MCTP2: variants seen among roughly 807,000 people sequenced by gnomAD.
MCTP2 encodes the protein multiple C2 and transmembrane domain containing 2, also known as multiple C2 and transmembrane domain-containing protein 2.
MCTP2 carries 132 observed loss-of-function variants against 111.6 expected under a neutral mutation model. The observed-to-expected ratio is 1.18, with a 90% CI of 1.03 to 1.37. The LOEUF (loss-of-function observed/expected upper bound fraction) is 1.37. Ranked by LOEUF, MCTP2 falls within the 40% of genes most tolerant of loss-of-function variation. The pLI is 0.00. For synonymous variants in MCTP2, 395 were observed against 387.7 expected (o/e 1.02, Z -0.22); for missense variants, 1,183 against 1,067.9 (o/e 1.11, Z -1.50).
chr15:94,480,370 A>G lies in MCTP2; in HGVS notation c.*1336A>G, dbSNP rs1449823135. On this transcript the variant is annotated 3_prime_UTR_variant, in exon 23 of 23. Coordinates refer to ENST00000357742, the MANE Select transcript of MCTP2 (RefSeq NM_001385001.1). ...TGTAATTTAATAATCTTCAAACAAAATGTTTACGAAAAATGCCAAAGATTC... is the reference window on the plus strand; with the variant it reads ...TGTAATTTAATAATCTTCAAACAAAGTGTTTACGAAAAATGCCAAAGATTC... 1 of 152,074 alleles carries G rather than the reference A, an allele frequency of 6.6e-6. No individual in the cohort carries two copies. The highest frequency in any genetic ancestry group is 1.5e-5 in the Non-Finnish European group (1 of 68,012). 9.4% of individuals were successfully genotyped at this position (152,074 alleles called of 1,614,324 possible).
chr15:94,464,242 A>T (rs1567763955), intron 20 of MCTP2, among the ~76,000 whole-genome samples: 1 of 50,588 alleles, frequency 2.0e-5, no homozygotes, highest in Non-Finnish European at 4.1e-5. Flanking sequence ...TATATATAAT[A>T]TATATATATA....
rs776199245 is a variant in MCTP2 at position 94,298,270 on chromosome 15, A to T, written c.5A>T (p.Asp2Val). M[D>V]LDKPSVWGSL... is the part of the protein sequence containing the mutation. ...TTCTTGGGTCTTCATGCAGCCATGG[A>T]TCTGGATAAACCATCTGTTTGGGGC... The change falls in exon 2 of 23, where the codon GAT becomes GTT. Residue 2 changes from aspartate to valine, a missense_variant. Transcript: ENST00000357742. 5 of 1,607,424 alleles carry T rather than the reference A, an allele frequency of 3.1e-6. No homozygotes were observed. The East Asian group carries it at 1.1e-4, about 36-fold the overall frequency.
At chr15:94,465,429 G>A (rs1223134492) in intron 20 of MCTP2, among the ~76,000 whole-genome samples, 1 of 152,104 alleles carries the variant, frequency 6.6e-6, no homozygotes, top group Non-Finnish European at 1.5e-5. Flanking sequence ...TAATGAAATA[G>A]AACAATTATG....
intron 4 of MCTP2, among the ~76,000 whole-genome samples, chr15:94,325,029 G>A (rs981231076): frequency 4.6e-5 from 7 of 152,276 alleles, no homozygotes; most frequent in Admixed American, 3.9e-4. Flanking sequence ...AGCCCTCTGG[G>A]CACCTCTGTT....
At chr15:94,465,588 T>C (rs2073205958) in intron 20 of MCTP2, among the ~76,000 whole-genome samples, 1 of 152,100 alleles carries the variant, frequency 6.6e-6, no homozygotes, top group Non-Finnish European at 1.5e-5. Flanking sequence ...CACCTTTCTT[T>C]TCTCCTTTTC....
chr15:94,440,806 C>T (rs535576210), intron 18 of MCTP2, among the ~76,000 whole-genome samples: 1 of 152,296 alleles, frequency 6.6e-6, no homozygotes, highest in Admixed American at 6.5e-5. Flanking sequence ...CATCTATTTG[C>T]AGGTGCCCAC....
At position 94,481,619 on chromosome 15, in the gene MCTP2, G is replaced by A. The variant is rs1287904862; in HGVS notation, c.*2585G>A. 2.0e-5 allele frequency: 3 copies of A among 152,216 alleles called. No individual in the cohort carries two copies. The East Asian group carries it at 5.8e-4, about 29-fold the overall frequency. The allele number at this position is 152,216 out of a possible 1,614,324, so 9.4% of individuals were successfully genotyped here. On this transcript the variant is annotated 3_prime_UTR_variant, in exon 23 of 23. Transcript: ENST00000357742. Reference sequence around the variant, plus strand: ...TCTACTCTCCTTCAACACTTCCAAAGTCTCCTGCCCCAAAGAGGCTTAGTT... The same window carrying A: ...TCTACTCTCCTTCAACACTTCCAAAATCTCCTGCCCCAAAGAGGCTTAGTT...
intron 17 of MCTP2, among the ~76,000 whole-genome samples, chr15:94,431,503 G>T (rs746496575): frequency 3.9e-5 from 6 of 152,238 alleles, no homozygotes; most frequent in Admixed American, 2.6e-4. Context: ...TAATCAGTTC[G>T]ATGCTGTTGA....
At chr15:94,313,432 G>A (rs1031146860) in intron 2 of MCTP2, among the ~76,000 whole-genome samples, 1 of 152,146 alleles carries the variant, frequency 6.6e-6, no homozygotes, top group Non-Finnish European at 1.5e-5. Flanking sequence ...GCCGGGCATG[G>A]TGGCTCACGC....
chr15:94,482,513 G>C lies in MCTP2; in HGVS notation c.*3479G>C, dbSNP rs1230514372. 6.6e-6 allele frequency: 1 copy of C among 152,208 alleles called. No homozygotes were observed. Among genetic ancestry groups the C allele is most frequent in the Non-Finnish European group, 1.5e-5 (1 of 68,030 alleles). The allele number at this position is 152,208 out of a possible 1,614,324, so 9.4% of individuals were successfully genotyped here. A position where few individuals can be genotyped will look rare whatever the true frequency, so the allele number is the denominator to read the frequency against. On this transcript the variant is annotated 3_prime_UTR_variant, in exon 23 of 23. Transcript: ENST00000357742. ...TTACCTTTCACTAAGGGAGAGAACT[G>C]TAAGAACTGCTGTGAGAGGACCACA...
chr15:94,444,083 G>A (rs1392970394), intron 19 of MCTP2, among the ~76,000 whole-genome samples: 1 of 151,264 alleles, frequency 6.6e-6, no homozygotes, highest in Non-Finnish European at 1.5e-5. Flanking sequence ...CTTCAGACTG[G>A]CCAGCTATCA....
intron 1 of MCTP2, among the ~76,000 whole-genome samples, chr15:94,259,337 C>G (rs1047702252): frequency 6.6e-6 from 1 of 152,180 alleles, no homozygotes; most frequent in Non-Finnish European, 1.5e-5. Context: ...GAGTGGTGAT[C>G]AGGAAGGGGA....
rs749694002 is a variant in MCTP2, at chr15:94,340,941, A to T, written c.969+17A>T. On this transcript the variant is annotated intron_variant, in intron 7 of 22. Coordinates refer to ENST00000357742, the MANE Select transcript of MCTP2 (RefSeq NM_001385001.1). ...AAGAGACACGTAAGTGGGACCTTCT[A>T]TTCTTTTGAAACCTCTCATTTTGTC... is the stretch of plus-strand genomic sequence containing the variant. 5.4e-6 allele frequency: 8 copies of T among 1,487,550 alleles called. No homozygotes were observed. Among genetic ancestry groups the T allele is most frequent in the Non-Finnish European group, 6.6e-6 (7 of 1,065,304 alleles). 92.1% of individuals were successfully genotyped at this position (1,487,550 alleles called of 1,614,324 possible).
At chr15:94,297,838 C>G (rs1365186619) in intron 1 of MCTP2, among the ~76,000 whole-genome samples, 3 of 152,302 alleles carry the variant, frequency 2.0e-5, no homozygotes, top group East Asian at 1.9e-4. Flanking sequence ...CTTGATCATA[C>G]TGAAGAACAG....
intron 9 of MCTP2, among the ~76,000 whole-genome samples, chr15:94,356,528 C>A (rs551094621): frequency 8.6e-5 from 13 of 152,008 alleles, no homozygotes; most frequent in Non-Finnish European, 1.6e-4. Flanking sequence ...CTAGAGAAAC[C>A]TTATTAAATC....
chr15:94,385,570 T>C, intron 14 of MCTP2, 45 bp downstream of exon 14: 1 of 1,332,708 alleles, frequency 7.5e-7, no homozygotes, highest in Non-Finnish European at 1.1e-6. Flanking sequence ...CATTTTATAG[T>C]TGATGAGTTT....
chr15:94,244,275 CAT>C (rs202101239), intron 1 of MCTP2, among the ~76,000 whole-genome samples: 5,858 of 142,468 alleles, frequency 0.041, 209 homozygotes, highest in Non-Finnish European at 0.062. Flanking sequence ...TATATACACA[CAT>C]ATATACACAT....
chr15:94,363,794 T>A (rs1423699781), intron 10 of MCTP2, among the ~76,000 whole-genome samples: 1 of 152,172 alleles, frequency 6.6e-6, no homozygotes, highest in Admixed American at 6.5e-5. Flanking sequence ...GGGCTCGGTG[T>A]GTTGCACCTT....
At chr15:94,303,118 T>TTA (rs56749674) in intron 2 of MCTP2, among the ~76,000 whole-genome samples, 6 of 49,524 alleles carry the variant, frequency 1.2e-4, no homozygotes, top group African/African-American at 3.1e-4. Context: ...TATATATAGT[T>TTA]TATATATATA....
Sources: allele counts gnomAD v4.1 joint callset (sites outside exome capture counted in the v4.1 genomes callset), GRCh38; gene constraint gnomAD v4.1.1; transcripts MANE v1.5; gene names NCBI Gene and HGNC (gene_info 2026-07-23, HGNC 2026-07-21).